Variants in FBXO31 observed in about 807,000 individuals in gnomAD.
The protein encoded by FBXO31 is F-box protein 31.
FBXO31 carries 24 observed loss-of-function variants against 54.4 expected under a neutral mutation model. The observed-to-expected ratio is 0.44, with a 90% confidence interval of 0.32 to 0.62. The LOEUF is 0.62. Among genes scored for constraint, FBXO31 ranks in the 20% least tolerant of loss-of-function variants. The pLI, the probability that FBXO31 is intolerant of heterozygous loss-of-function variation, is 0.05. For missense variants in FBXO31, 665 were observed against 787.1 expected (o/e 0.84, Z 1.86); for synonymous variants, 388 against 335.6 (o/e 1.16, Z -1.71).
intron 1 of FBXO31, among the ~76,000 whole-genome samples, chr16:87,365,010 AATAT>A (rs55746745): frequency 0.042 from 2,000 of 47,610 alleles, 475 homozygotes; most frequent in South Asian, 0.11. Flanking sequence ...CCGTCTCTTA[AATAT>A]ATATATATAT....
At chr16:87,376,191 AAGAC>A (rs1229811407) in intron 1 of FBXO31, among the ~76,000 whole-genome samples, 1 of 152,184 alleles carries the variant, frequency 6.6e-6, no homozygotes, top group African/African-American at 2.4e-5. Context: ...GAAGCATTAA[AAGAC>A]AGGCAGAGGT....
chr16:87,382,468 G>C (rs537062020), intron 1 of FBXO31, among the ~76,000 whole-genome samples: 1 of 152,124 alleles, frequency 6.6e-6, no homozygotes, highest in African/African-American at 2.4e-5. Flanking sequence ...TTTAAACAGA[G>C]AGAGCCTTGA....
intron 1 of FBXO31, among the ~76,000 whole-genome samples, chr16:87,378,991 A>G (rs1906953547): frequency 6.6e-6 from 1 of 152,012 alleles, no homozygotes; most frequent in Non-Finnish European, 1.5e-5. Context: ...ATATATAGAT[A>G]TAGACATAGA....
chr16:87,387,450 T>C (rs995582350), upstream of FBXO31, among the ~76,000 whole-genome samples: 1 of 152,200 alleles, frequency 6.6e-6, no homozygotes, highest in Non-Finnish European at 1.5e-5. Context: ...AAGTCGAATA[T>C]AGGGCTGGGC....
intron 2 of FBXO31, 47 bp from the exon 3 acceptor site, chr16:87,347,297 C>A: frequency 6.5e-7 from 1 of 1,546,614 alleles, no homozygotes; most frequent in Non-Finnish European, 8.9e-7. Flanking sequence ...ACCCAGCGTG[C>A]CGCAGGGAGC....
intron 1 of FBXO31, among the ~76,000 whole-genome samples, chr16:87,375,627 C>T (rs1183385073): frequency 6.6e-6 from 1 of 152,182 alleles, no homozygotes; most frequent in East Asian, 1.9e-4. Context: ...CAGCTCCTGC[C>T]CCAGCACCCC....
intron 2 of FBXO31, among the ~76,000 whole-genome samples, chr16:87,351,263 C>T (rs1056784226): frequency 1.9e-4 from 29 of 152,200 alleles, no homozygotes; most frequent in African/African-American, 4.8e-4. Context: ...CCCATTCAAA[C>T]GGTCAAGAGC....
chr16:87,376,690 C>G (rs551861350), intron 1 of FBXO31, among the ~76,000 whole-genome samples: 10 of 152,230 alleles, frequency 6.6e-5, no homozygotes, highest in Non-Finnish European at 1.3e-4. Context: ...TCACCAACCC[C>G]CAAGACACTA....
intron 7 of FBXO31, 127 bp from the exon 8 acceptor site, chr16:87,334,413 G>A (rs773547548): frequency 6.3e-6 from 5 of 798,884 alleles, no homozygotes; most frequent in South Asian, 3.7e-5. Flanking sequence ...ACTTAGCAAC[G>A]TCCCTTACAG....
upstream of FBXO31, among the ~76,000 whole-genome samples, chr16:87,385,524 C>T (rs924054434): frequency 6.6e-6 from 1 of 150,994 alleles, no homozygotes; most frequent in Non-Finnish European, 1.5e-5. Context: ...AGCCATTAAA[C>T]AAGTAACCAC....
intron 2 of FBXO31, among the ~76,000 whole-genome samples, 183 bp from the exon 3 acceptor site, chr16:87,347,433 C>T (rs546287211): frequency 3.9e-5 from 6 of 152,258 alleles, no homozygotes; most frequent in Middle Eastern, 3.4e-3. Context: ...GTGGCTCACG[C>T]CTTTAATCCC....
chr16:87,339,112 C>A (rs1905117866), intron 5 of FBXO31, among the ~76,000 whole-genome samples: 1 of 152,200 alleles, frequency 6.6e-6, no homozygotes, highest in South Asian at 2.1e-4. Flanking sequence ...ATAAATTACC[C>A]AGTCTTGGGT....
At chr16:87,350,849 T>C (rs1243141100) in intron 2 of FBXO31, among the ~76,000 whole-genome samples, 1 of 152,140 alleles carries the variant, frequency 6.6e-6, no homozygotes, top group Non-Finnish European at 1.5e-5. Flanking sequence ...AAGTGGGAGT[T>C]CCCTGTTGTG....
Position 87,333,985 on chromosome 16 carries a change from G to T in FBXO31, c.1298C>A (p.Ala433Glu), listed in dbSNP as rs746276587. ...CCCACACTGGGCAGGCTGCTCGGCC[G>T]CAGCTACGGCATCCCCAGGCTCGCC... ...DGGEPGDAVA[A>E]AEQPAQCGQG... The change falls in exon 8 of 9, where the codon GCG becomes GAG. Residue 433 changes from alanine to glutamate, a missense_variant. Physicochemically the swap from Ala to Glu is moderately radical, Grantham distance 107. Around this residue, in one of 4 missense-constraint regions of FBXO31, gnomAD observed 165 missense variants for 159.7 expected, o/e 1.03. Transcript: ENST00000311635. The T allele has an allele frequency of 5.0e-6, 8 of 1,612,702 alleles. No homozygotes were observed. The African/African-American group carries it at 1.1e-4, about 22-fold the overall frequency.
At chr16:87,388,817 T>C (rs1200087773) in intron 1 of FBXO31, 2 of 152,344 alleles carry the variant, frequency 1.3e-5, no homozygotes, top group East Asian at 3.9e-4. Flanking sequence ...AATGATTATT[T>C]GGTAGTTTAA....
intron 1 of FBXO31, among the ~76,000 whole-genome samples, chr16:87,365,380 G>A (rs750625076): frequency 1.3e-5 from 2 of 152,102 alleles, no homozygotes; most frequent in Non-Finnish European, 2.9e-5. Flanking sequence ...ACACACAATT[G>A]TAAACAATTA....
rs1322368954 is a variant in FBXO31, at chr16:87,383,209, A to C, written c.340+196T>G. Among the ~76,000 whole-genome samples, 1 of 150,452 alleles carries C rather than the reference A, an allele frequency of 6.6e-6. No homozygotes were observed. Among genetic ancestry groups the C allele is most frequent in the Non-Finnish European group, 1.5e-5 (1 of 67,692 alleles). On this transcript the variant is annotated intron_variant, in intron 1 of 8. Transcript: ENST00000311635. The surrounding 1 kb of genome is among the most constrained non-coding windows in gnomAD (Gnocchi z 4.9). ...CCCTCGGACCCTCCCTAACCGCCTCAAATACCTCCCTGGCCCCCTCAACGT... is the reference window on the plus strand; with the variant it reads ...CCCTCGGACCCTCCCTAACCGCCTCCAATACCTCCCTGGCCCCCTCAACGT...
intron 1 of FBXO31, among the ~76,000 whole-genome samples, chr16:87,378,503 C>G (rs780393718): frequency 6.6e-6 from 1 of 152,182 alleles, no homozygotes; most frequent in Non-Finnish European, 1.5e-5. Flanking sequence ...AATACTGCAT[C>G]CGGGCAGTTA....
chr16:87,391,885 C>G (rs921180063), upstream of FBXO31: 10 of 152,352 alleles, frequency 6.6e-5, no homozygotes, highest in African/African-American at 2.4e-4. Flanking sequence ...TCGGGCAGCA[C>G]CACCAAGTCT....
Sources: allele counts gnomAD v4.1 joint callset (sites outside exome capture counted in the v4.1 genomes callset), GRCh38; gene constraint gnomAD v4.1.1; regional missense constraint gnomAD v4.1.1; non-coding constraint Gnocchi (gnomAD v3.1); transcripts MANE v1.5; gene names NCBI Gene and HGNC (gene_info 2026-07-23, HGNC 2026-07-21).